ANO2: variants seen among roughly 807,000 people sequenced by gnomAD.
ANO2 encodes the protein anoctamin 2, also known as anoctamin-2.
A neutral mutation model predicts 124.2 loss-of-function variants in ANO2; 101 were observed. The ratio of observed to expected loss-of-function variants is 0.81; its 90% CI spans 0.69 to 0.96. The LOEUF is 0.96. Ranked by LOEUF, ANO2 falls within the 40% of genes least tolerant of loss-of-function variation. ANO2 has a pLI of 0.00. For missense variants in ANO2, 1,293 were observed against 1,274.5 expected, an observed-to-expected ratio of 1.01 and a Z score of -0.22; for synonymous variants, 486 against 482.5, an observed-to-expected ratio of 1.01 and a Z score of -0.09.
chr12:5,894,515 TG>T (rs1346208098), intron 3 of ANO2, among the ~76,000 whole-genome samples: 1 of 152,248 alleles, frequency 6.6e-6, no homozygotes, highest in South Asian at 2.1e-4. Flanking sequence ...TTGTCAATTC[TG>T]GCTTTTGTGG....
intron 16 of ANO2, among the ~76,000 whole-genome samples, chr12:5,623,043 C>G (rs952535881): frequency 1.3e-5 from 2 of 151,610 alleles, no homozygotes; most frequent in African/African-American, 4.9e-5. Flanking sequence ...TTCCAGAGGC[C>G]AGGTGGGGTG....
At chr12:5,595,788 A>C (rs190643464) in intron 20 of ANO2, among the ~76,000 whole-genome samples, 188 of 152,314 alleles carry the variant, frequency 1.2e-3, no homozygotes, top group Admixed American at 2.3e-3. Context: ...GCACCGTGTA[A>C]AACTAAGCTA....
chr12:5,856,574 A>C (rs1412537902), intron 3 of ANO2: 1 of 152,230 alleles, frequency 6.6e-6, no homozygotes, highest in Non-Finnish European at 1.5e-5. Context: ...AACCTTCTTC[A>C]AATACAGCAA....
chr12:5,835,634 C>T (rs12313199), intron 4 of ANO2, among the ~76,000 whole-genome samples: 5,185 of 152,260 alleles, frequency 0.034, 225 homozygotes, highest in African/African-American at 0.098. Flanking sequence ...AGCTAATAAC[C>T]GATGGGGTTT....
intron 20 of ANO2, among the ~76,000 whole-genome samples, chr12:5,597,520 C>A (rs1943725064): frequency 6.6e-6 from 1 of 152,180 alleles, no homozygotes; most frequent in African/African-American, 2.4e-5. Flanking sequence ...GGAATGTATT[C>A]TTTGCTATTA....
At chr12:5,605,124 A>C (rs1270255944) in intron 19 of ANO2, among the ~76,000 whole-genome samples, 2 of 152,120 alleles carry the variant, frequency 1.3e-5, no homozygotes, top group African/African-American at 4.8e-5. Context: ...AGCCTCATTA[A>C]ATAAAGAAGG....
intron 20 of ANO2, 65 bp from the exon 21 acceptor site, chr12:5,578,583 G>A: frequency 1.3e-5 from 19 of 1,519,452 alleles, no homozygotes; most frequent in Non-Finnish European, 1.7e-5. Context: ...CTTCTGGCTT[G>A]CAGCTACAGC....
intron 11 of ANO2, among the ~76,000 whole-genome samples, chr12:5,746,169 C>G (rs552993341): frequency 1.3e-5 from 2 of 152,150 alleles, no homozygotes; most frequent in Non-Finnish European, 2.9e-5. Context: ...CTAGTTGGAA[C>G]TAGTCAATGC....
intron 24 of ANO2, 134 bp from the exon 25 acceptor site, chr12:5,563,702 T>A (rs1427648002): frequency 1.7e-6 from 2 of 1,172,750 alleles, no homozygotes; most frequent in African/African-American, 1.5e-5. Flanking sequence ...CCAGTGAGCA[T>A]AACTCTACCT....
intron 20 of ANO2, among the ~76,000 whole-genome samples, chr12:5,588,482 C>A (rs1943234473): frequency 6.6e-6 from 1 of 152,178 alleles, no homozygotes; most frequent in African/African-American, 2.4e-5. Flanking sequence ...TGACCTTAGG[C>A]AACTCACATT....
chr12:5,585,348 G>C (rs1326181861), intron 20 of ANO2, among the ~76,000 whole-genome samples: 1 of 152,160 alleles, frequency 6.6e-6, no homozygotes, highest in Admixed American at 6.5e-5. Context: ...CAAAAAGCCT[G>C]GGAAGTCATA....
chr12:5,877,266 A>C (rs1054773966), intron 3 of ANO2, among the ~76,000 whole-genome samples: 40 of 152,340 alleles, frequency 2.6e-4, no homozygotes, highest in African/African-American at 9.6e-4. Flanking sequence ...AGATGGAGGC[A>C]GAGATTGGAG....
At chr12:5,802,000 C>T (rs143446685) in intron 9 of ANO2, among the ~76,000 whole-genome samples, 2,226 of 152,258 alleles carry the variant, frequency 0.015, 54 homozygotes, top group African/African-American at 0.049. Context: ...CCCTCGAGAG[C>T]TATGGGACGT....
At chr12:5,894,206 T>A (rs140730415) in intron 3 of ANO2, among the ~76,000 whole-genome samples, 32 of 152,378 alleles carry the variant, frequency 2.1e-4, no homozygotes, top group African/African-American at 7.2e-4. Context: ...TGGTATCTCA[T>A]TGTGGTTTTC....
At chr12:5,866,359 C>T (rs1401110344) in intron 3 of ANO2, among the ~76,000 whole-genome samples, 2 of 152,190 alleles carry the variant, frequency 1.3e-5, no homozygotes. Flanking sequence ...TCTTTAGGGA[C>T]ATCATGGGAG....
intron 11 of ANO2, 83 bp from the exon 12 acceptor site, chr12:5,744,400 ATTTCCAAATCTATGGTTGAGTT>A: frequency 6.7e-7 from 1 of 1,495,012 alleles, no homozygotes; most frequent in Non-Finnish European, 9.2e-7. Flanking sequence ...AATAGCTCCC[ATTTCCAAATCTATGGTTGAGTT>A]TTTCAACTCC....
At chr12:5,852,886 T>TGTGTGTGTG (rs1555173627) in intron 4 of ANO2, among the ~76,000 whole-genome samples, 1 of 149,322 alleles carries the variant, frequency 6.7e-6, no homozygotes, top group Non-Finnish European at 1.5e-5. Context: ...TGTGTGTGTG[T>TGTGTGTGTG]GTGTGGTGTA....
chr12:5,705,389 G>C (rs2137032758), intron 14 of ANO2, among the ~76,000 whole-genome samples: 1 of 152,304 alleles, frequency 6.6e-6, no homozygotes, highest in African/African-American at 2.4e-5. Flanking sequence ...AAAGATACAA[G>C]GGCAGCAGAC....
intron 1 of ANO2, among the ~76,000 whole-genome samples, chr12:5,935,557 T>A (rs747876733): frequency 2.0e-5 from 3 of 152,186 alleles, no homozygotes; most frequent in Non-Finnish European, 2.9e-5. Flanking sequence ...TATGTCCTCA[T>A]TTGAGCATCT....
Sources: allele counts gnomAD v4.1 joint callset (sites outside exome capture counted in the v4.1 genomes callset), GRCh38; gene constraint gnomAD v4.1.1; transcripts MANE v1.5; gene names NCBI Gene and HGNC (gene_info 2026-07-23, HGNC 2026-07-21).